The following ACOT11 variants were observed in gnomAD, a reference collection of about 807,000 sequenced individuals.
ACOT11 encodes acyl-coenzyme A thioesterase 11.
A neutral mutation model predicts 77.5 loss-of-function variants in ACOT11; 69 were observed. The observed-to-expected ratio is 0.89, with a 90% CI of 0.73 to 1.09. The LOEUF is 1.09. ACOT11 is among the 50% of genes least tolerant of loss of function. ACOT11 has a pLI of 0.00. For missense variants in ACOT11, 766 were observed against 813.7 expected (o/e 0.94, Z 0.71); for synonymous variants, 279 against 313.0 (o/e 0.89, Z 1.15).
intron 1 of ACOT11, among the ~76,000 whole-genome samples, chr1:54,561,075 ATTTTTTATT>A (rs1174854681): frequency 1.4e-5 from 1 of 69,850 alleles, no homozygotes; most frequent in African/African-American, 9.8e-5. Flanking sequence ...TGCTTGGCTG[ATTTTTTATT>A]TTTTTTATTT....
chr1:54,630,751 C>G, exon 16 of ACOT11: 2 of 748,744 alleles, frequency 2.7e-6, no homozygotes, highest in Non-Finnish European at 2.5e-6. Context: ...GGGTTAGGGT[C>G]TCCCTGACTG....
intron 1 of ACOT11, among the ~76,000 whole-genome samples, chr1:54,582,128 A>G (rs7521400): frequency 0.15 from 22,968 of 152,148 alleles, 3,166 homozygotes; most frequent in African/African-American, 0.37. Flanking sequence ...CCATTCTGAC[A>G]GGGTTCTAGA....
At chr1:54,613,587 C>T (rs1275476369), downstream of ACOT11, among the ~76,000 whole-genome samples, 1 of 152,080 alleles carries the variant, frequency 6.6e-6, no homozygotes, top group Admixed American at 6.6e-5. Context: ...TGTGCCCAGC[C>T]TAAAATTTTA....
chr1:54,549,001 C>G (rs1183184105), intron 1 of ACOT11, among the ~76,000 whole-genome samples: 1 of 152,130 alleles, frequency 6.6e-6, no homozygotes, highest in Admixed American at 6.5e-5. Context: ...GACAGACTGG[C>G]AGAGGTTGTA....
Position 54,554,358 on chromosome 1 carries a change from T to A in ACOT11, c.33+6016T>A, listed in dbSNP as rs1190749160. Among the ~76,000 whole-genome samples the A allele has an allele frequency of 1.3e-3, 180 of 139,244 alleles. 1 individual carries two copies. The highest frequency in any genetic ancestry group is 1.5e-3 in the Non-Finnish European group (99 of 64,228). The allele number at this position is 139,244 out of a possible 152,430, so 91.3% of individuals were successfully genotyped here. On this transcript the variant is annotated intron_variant, in intron 1 of 15. Coordinates refer to ENST00000343744, the MANE Select transcript of ACOT11 (RefSeq NM_147161.4). ...GTATATATATATATATATATTTTTT[T>A]TTTTTTTTTTTGAGATGGAGTCCTG...
chr1:54,601,621 C>G (rs552251149), intron 9 of ACOT11, among the ~76,000 whole-genome samples: 5 of 152,110 alleles, frequency 3.3e-5, no homozygotes, highest in African/African-American at 9.7e-5. Context: ...TGACAGAACT[C>G]GGAGTATGTG....
At chr1:54,569,459 C>T (rs558056482) in intron 1 of ACOT11, among the ~76,000 whole-genome samples, 13 of 152,292 alleles carry the variant, frequency 8.5e-5, no homozygotes, top group Admixed American at 1.3e-4. Context: ...GTCCCTCCGA[C>T]GGCCTGGTTG....
rs532529614 is a variant in ACOT11 at position 54,630,103 on chromosome 1, G to A, written c.1630-631G>A. Among the ~76,000 whole-genome samples the A allele has an allele frequency of 8.2e-5, 11 of 133,708 alleles. 1 individual carries two copies. In the South Asian group the frequency reaches 2.5e-3, roughly 30 times the overall value. 87.7% of individuals were successfully genotyped at this position (133,708 alleles called of 152,430 possible). The stretch of plus-strand genomic sequence containing the variant: ...TTTAGTAGAGACGAGGTTTCACCAT[G>A]TTGACCAGGATGGTCTCGATCTCTT... On this transcript the variant is annotated intron_variant, in intron 15 of 16. Coordinates refer to the ACOT11 transcript ENST00000371316.
chr1:54,609,381 C>T lies in ACOT11; in HGVS notation c.*269C>T. ...GCCAGCAATGCTGTCCTCACAGAGG[C>T]ATAGTCGCCCCCAGCTGGGTTGTGC... On this transcript the variant is annotated 3_prime_UTR_variant, in exon 16 of 16. Transcript: ENST00000343744. 6.2e-7 allele frequency: 1 copy of T among 1,614,154 alleles called. No individual in the cohort carries two copies. The highest frequency in any genetic ancestry group is 8.5e-7 in the Non-Finnish European group (1 of 1,180,014).
chr1:54,602,829 C>G (rs1047531018), intron 10 of ACOT11, 105 bp downstream of exon 10: 1 of 1,244,472 alleles, frequency 8.0e-7, no homozygotes, highest in Non-Finnish European at 1.1e-6. Context: ...GCGTTGGGCC[C>G]TGGGCCGGGC....
rs567174291 is a variant in ACOT11 at position 54,557,478 on chromosome 1, C to T, written c.33+9136C>T. Among the ~76,000 whole-genome samples the T allele has an allele frequency of 1.6e-4, 25 of 151,832 alleles. No individual in the cohort carries two copies. The South Asian group carries it at 5.0e-3, about 30-fold the overall frequency. ...AAACATTTTAAGAGATAGAGTCTTG[C>T]TATGTTGCCCAGGCTGGTTTCAAAC... On this transcript the variant is annotated intron_variant, in intron 1 of 15. Coordinates refer to ENST00000343744, the MANE Select transcript of ACOT11 (RefSeq NM_147161.4).
rs371814373 is a variant in ACOT11, at chr1:54,602,761, C to T, written c.1085+37C>T. On this transcript the variant is annotated intron_variant, in intron 10 of 15. Transcript: ENST00000343744. ...CTGAGTGGTGGGCAGAATGTGGATTCGGGGCTGTTCACGCTCCGCTGACCC... is the reference window on the plus strand; with the variant it reads ...CTGAGTGGTGGGCAGAATGTGGATTTGGGGCTGTTCACGCTCCGCTGACCC... 186 of 1,496,672 alleles carry T rather than the reference C, an allele frequency of 1.2e-4. 3 individuals carry two copies. The South Asian group carries it at 2.0e-3, about 16-fold the overall frequency. The allele number at this position is 1,496,672 out of a possible 1,614,324, so 92.7% of individuals were successfully genotyped here.
In ACOT11 at chr1:54,592,734, G is replaced by C. The variant is rs1208283443; in HGVS notation, c.372+128G>C. 4.3e-5 allele frequency: 39 copies of C among 904,540 alleles called. 1 individual carries two copies. The South Asian group carries it at 7.6e-4, about 18-fold the overall frequency. 56.0% of individuals were successfully genotyped at this position (904,540 alleles called of 1,614,324 possible). On this transcript the variant is annotated intron_variant, in intron 4 of 15. Coordinates refer to ENST00000343744, the MANE Select transcript of ACOT11 (RefSeq NM_147161.4). ...GCCCTGATTAGAGCAGCAGAGTTCT[G>C]TAATGGTTGGCAGAGCAAGGGGAAT... is the stretch of plus-strand genomic sequence containing the variant.
At chr1:54,633,791 T>C (rs553315098) in intron 16 of ACOT11, among the ~76,000 whole-genome samples, 1 of 152,362 alleles carries the variant, frequency 6.6e-6, no homozygotes, top group Admixed American at 6.5e-5. Context: ...TAATCTGTTT[T>C]CTATCCTTGG....
Position 54,610,265 on chromosome 1 carries a change from C to A in ACOT11, c.*1153C>A. ...TGACATCACTGTACTCCCTCTCCCTCCCCGCAACCCTGCCCCACCTTGCAT... is the reference window on the plus strand; with the variant it reads ...TGACATCACTGTACTCCCTCTCCCTACCCGCAACCCTGCCCCACCTTGCAT... On this transcript the variant is annotated 3_prime_UTR_variant, in exon 16 of 16. Transcript: ENST00000343744. The A allele has an allele frequency of 6.7e-7, 1 of 1,482,684 alleles. No individual in the cohort carries two copies. Among genetic ancestry groups the A allele is most frequent in the Non-Finnish European group, 8.9e-7 (1 of 1,123,104 alleles). 91.8% of individuals were successfully genotyped at this position (1,482,684 alleles called of 1,614,324 possible).
intron 1 of ACOT11, among the ~76,000 whole-genome samples, chr1:54,574,513 C>G (rs144976592): frequency 2.2e-4 from 33 of 152,360 alleles, no homozygotes; most frequent in African/African-American, 7.5e-4. Context: ...TGGCAACTTA[C>G]AAAGCTGTTC....
Position 54,553,240 on chromosome 1 carries a change from G to A in ACOT11, c.33+4898G>A, listed in dbSNP as rs146908897. On this transcript the variant is annotated intron_variant, in intron 1 of 15. Coordinates refer to ENST00000343744, the MANE Select transcript of ACOT11 (RefSeq NM_147161.4). ...AAAAAATTTTTTTTTAATGGGCCAG[G>A]CATGGTGGCTCATACCTATAATCCC... Among the ~76,000 whole-genome samples the A allele has an allele frequency of 2.0e-5, 3 of 151,762 alleles. No homozygotes were observed. In the East Asian group the frequency reaches 5.9e-4, roughly 30 times the overall value.
At chr1:54,639,183 A>C in exon 17 of ACOT11, 1 of 132,034 alleles carries the variant, frequency 7.6e-6, no homozygotes, top group East Asian at 2.3e-4. Flanking sequence ...TGACAGAGTG[A>C]TACTGTCTCA....
In ACOT11 at chr1:54,609,195, G is replaced by T. The variant is rs2101010774; in HGVS notation, c.*83G>T. The T allele has an allele frequency of 4.1e-5, 65 of 1,598,708 alleles. No individual in the cohort carries two copies. The highest frequency in any genetic ancestry group is 5.5e-5 in the Non-Finnish European group (65 of 1,171,652). On this transcript the variant is annotated 3_prime_UTR_variant, in exon 16 of 16. Coordinates refer to ENST00000343744, the MANE Select transcript of ACOT11 (RefSeq NM_147161.4). Reference sequence around the variant, plus strand: ...CATACAGTGCCTGGAGAAAGCCAAAGACCTTTATTTCTTCCTGCCTCCCCG... The same window carrying T: ...CATACAGTGCCTGGAGAAAGCCAAATACCTTTATTTCTTCCTGCCTCCCCG...
Sources: gnomAD v4.1 joint callset for allele counts (sites outside exome capture counted in the v4.1 genomes callset) on GRCh38, gnomAD v4.1.1 for gene constraint, MANE v1.5 for transcripts, NCBI Gene and HGNC (gene_info 2026-07-23, HGNC 2026-07-21) for gene names.